PKN3: variants seen among roughly 807,000 people sequenced by gnomAD.
The protein encoded by PKN3 is serine/threonine-protein kinase N3.
A neutral mutation model predicts 113.1 loss-of-function variants in PKN3; 91 were observed. The ratio of observed to expected loss-of-function variants is 0.80; its 90% CI spans 0.68 to 0.96. PKN3 has a LOEUF of 0.96. Among genes scored for constraint, PKN3 ranks in the 40% least tolerant of loss-of-function variants. The probability of loss-of-function intolerance (pLI) is 0.00; values close to 1 mark genes in which losing one functional copy is unlikely to be tolerated. For synonymous variants in PKN3, 467 were observed against 499.0 expected (o/e 0.94, Z 0.85); for missense variants, 1,052 against 1,202.2 (o/e 0.88, Z 1.85).
At position 128,713,639 on chromosome 9, in the gene PKN3, C is replaced by T. The variant is rs1274832812; in HGVS notation, c.1233C>T (p.Ala411=). 2 of 1,613,506 alleles carry T rather than the reference C, an allele frequency of 1.2e-6. No individual in the cohort carries two copies. Among genetic ancestry groups the T allele is most frequent in the South Asian group, 2.2e-5 (2 of 91,088 alleles). The change falls in exon 9 of 22, where the codon GCC becomes GCT. Residue 411 remains alanine (A), a synonymous_variant. Transcript: ENST00000291906. ...TGGTACCGCAGGGACTGCTTTTTGC[C>T]CAGGTGCTCACCACCTCCGCCCTCT... ...LSLVPQGLLF[A]QVTFCDPVIE...
chr9:128,719,481 A>G (rs538700479), intron 18 of PKN3, among the ~76,000 whole-genome samples: 86 of 151,984 alleles, frequency 5.7e-4, no homozygotes, highest in Non-Finnish European at 1.1e-3. Flanking sequence ...GAGCCACCGC[A>G]CCCAGCCGAG....
chr9:128,707,151 T>G (rs1283510800), intron 5 of PKN3, 71 bp from the exon 6 acceptor site: 1 of 1,579,658 alleles, frequency 6.3e-7, no homozygotes, highest in East Asian at 2.3e-5. Context: ...GGAAGGTGGC[T>G]CCGGGTGACC....
chr9:128,705,782 G>A lies in PKN3; in HGVS notation c.314G>A (p.Arg105Gln), dbSNP rs147107905. 64 of 1,607,774 alleles carry A rather than the reference G, an allele frequency of 4.0e-5. No homozygotes were observed. Among genetic ancestry groups the A allele is most frequent in the African/African-American group, 8.0e-5 (6 of 74,788 alleles). ...PRPWAEQLRA[R>Q]HLEALRRQLH... ...CCGTGGGCAGAGCAGCTCAGGGCTC[G>A]GCACCTAGAGGCTCTCCGGAGGCAG... The change falls in exon 3 of 22, where the codon CGG (arginine) becomes CAG (glutamine). Residue 105 changes from arginine (R) to glutamine (Q), a missense_variant. Around this residue, in one of 2 missense-constraint regions of PKN3, gnomAD observed 719 missense variants for 759.4 expected, o/e 0.95. Transcript: ENST00000291906.
At chr9:128,714,959 C>A in intron 13 of PKN3, 94 bp downstream of exon 13, 3 of 1,269,250 alleles carry the variant, frequency 2.4e-6, no homozygotes, top group Non-Finnish European at 3.5e-6. Context: ...GGCTCCCTGG[C>A]GGGTGCGCTG....
chr9:128,713,332 G>T lies in PKN3; in HGVS notation c.1037G>T (p.Trp346Leu), dbSNP rs762570387. ...VDNRVVGQTG[W>L]GQVAEQSWDQ... Reference sequence around the variant, plus strand: ...AACCGTGTTGTGGGGCAGACGGGCTGGGGGCAGGTGGCCGAACAGTCCTGG... The same window carrying T: ...AACCGTGTTGTGGGGCAGACGGGCTTGGGGCAGGTGGCCGAACAGTCCTGG... The change falls in exon 8 of 22, where the codon TGG becomes TTG. Residue 346 changes from tryptophan to leucine, a missense_variant. Transcript: ENST00000291906. 17 of 1,613,986 alleles carry T rather than the reference G, an allele frequency of 1.1e-5. No homozygotes were observed. The Admixed American group carries it at 2.5e-4, about 24-fold the overall frequency.
At chr9:128,714,425 TC>T in intron 11 of PKN3, 60 bp downstream of exon 11, 1 of 1,413,760 alleles carries the variant, frequency 7.1e-7, no homozygotes, top group Non-Finnish European at 1.0e-6. Context: ...TGACTCCAGA[TC>T]CAGGCGGTAT....
At chr9:128,710,692 A>T (rs562242507) in intron 6 of PKN3, among the ~76,000 whole-genome samples, 1 of 151,982 alleles carries the variant, frequency 6.6e-6, no homozygotes. Context: ...GAGTTTTGCC[A>T]TGTTGGCCAG....
chr9:128,714,741 C>A, intron 12 of PKN3, 57 bp from the exon 13 acceptor site: 1 of 1,556,216 alleles, frequency 6.4e-7, no homozygotes, highest in Non-Finnish European at 8.9e-7. Flanking sequence ...GGTGGCAGGC[C>A]TGAAGGGAAA....
intron 16 of PKN3, among the ~76,000 whole-genome samples, 191 bp from the exon 17 acceptor site, chr9:128,718,134 C>T (rs1419819154): frequency 2.0e-5 from 3 of 152,090 alleles, no homozygotes; most frequent in South Asian, 2.1e-4. Flanking sequence ...TGGAAATGCA[C>T]GCAACCTTGG....
chr9:128,716,053 T>A (rs1357306573), intron 15 of PKN3, among the ~76,000 whole-genome samples: 2 of 146,666 alleles, frequency 1.4e-5, no homozygotes, highest in African/African-American at 5.1e-5. Context: ...ATGCCTGTAA[T>A]CCCAGCACTT....
chr9:128,714,961 G>A lies in PKN3; in HGVS notation c.1652+96G>A. 1.0e-5 allele frequency: 13 copies of A among 1,270,450 alleles called. No individual in the cohort carries two copies. The South Asian group carries it at 1.2e-4, about 12-fold the overall frequency. The allele number at this position is 1,270,450 out of a possible 1,614,324, so 78.7% of individuals were successfully genotyped here. ...TACATTACTCCCTGGCTCCCTGGCG[G>A]GTGCGCTGACTGGCTCTCGGGGTCT... On this transcript the variant is annotated intron_variant, in intron 13 of 21. Transcript: ENST00000291906.
intron 3 of PKN3, among the ~76,000 whole-genome samples, chr9:128,706,104 A>C (rs1862008048): frequency 6.6e-6 from 1 of 152,222 alleles, no homozygotes; most frequent in Non-Finnish European, 1.5e-5. Context: ...CCCCAGTCCC[A>C]ACTCCCAGCA....
rs1433293807 is a variant in PKN3, at chr9:128,714,869, C to A, written c.1652+4C>A. 1.2e-6 allele frequency: 2 copies of A among 1,612,858 alleles called. No individual in the cohort carries two copies. The highest frequency in any genetic ancestry group is 2.2e-5 in the East Asian group (1 of 44,894). ...CTCCACCAGCCTCCCCCACCAGGTA[C>A]CCCATCCTGCGCACCTTCATGTTTG... On this transcript the variant is annotated splice_donor_region_variant and intron_variant, in intron 13 of 21. Coordinates refer to ENST00000291906, the MANE Select transcript of PKN3 (RefSeq NM_013355.5).
chr9:128,703,568 C>T, intron 1 of PKN3: 4 of 985,414 alleles, frequency 4.1e-6, no homozygotes, highest in Non-Finnish European at 4.8e-6. Context: ...TGTCTATCTG[C>T]TCCTGAGGAG....
chr9:128,715,336 C>T lies in PKN3; in HGVS notation c.1717-33C>T. 6.2e-7 allele frequency: 1 copy of T among 1,607,234 alleles called. No individual in the cohort carries two copies. Among genetic ancestry groups the T allele is most frequent in the Non-Finnish European group, 8.5e-7 (1 of 1,173,940 alleles). ...GGGCGGTAAAGGCTCCCTGGTCTGG[C>T]CCACCTGGAGCACAACCTCTCTCTG... On this transcript the variant is annotated intron_variant, in intron 14 of 21. Coordinates refer to ENST00000291906, the MANE Select transcript of PKN3 (RefSeq NM_013355.5). This position sits in a 1 kb window ranked among gnomAD's most constrained non-coding sequence, Gnocchi z 4.1.
rs1259194573 is a variant in PKN3 at position 128,702,568 on chromosome 9, G to C, written c.-348G>C. Reference sequence around the variant, plus strand: ...GGGGAAGGCCAGAGGACCTGGGCGCGGGCGATGTGCCTCCTGAGCGTCCAA... The same window carrying C: ...GGGGAAGGCCAGAGGACCTGGGCGCCGGCGATGTGCCTCCTGAGCGTCCAA... On this transcript the variant is annotated 5_prime_UTR_variant, in exon 1 of 22. Transcript: ENST00000291906. 4.0e-5 allele frequency: 11 copies of C among 273,954 alleles called. No individual in the cohort carries two copies. Among genetic ancestry groups the C allele is most frequent in the Admixed American group, 5.6e-5 (1 of 18,018 alleles). The allele number at this position is 273,954 out of a possible 1,614,324, so 17.0% of individuals were successfully genotyped here.
At chr9:128,719,272 C>G (rs951386934) in intron 18 of PKN3, among the ~76,000 whole-genome samples, 6 of 151,898 alleles carry the variant, frequency 4.0e-5, no homozygotes, top group Non-Finnish European at 5.9e-5. Context: ...TCACTGCAAC[C>G]TCTGCCTCCA....
chr9:128,711,728 A>C (rs943491848), intron 6 of PKN3, among the ~76,000 whole-genome samples: 1 of 150,248 alleles, frequency 6.7e-6, no homozygotes, highest in Non-Finnish European at 1.5e-5. Context: ...CCTCCCAAGT[A>C]GTTGGGATTA....
chr9:128,717,168 G>A lies in PKN3; in HGVS notation c.1985+245G>A, dbSNP rs1410425938. 4.9e-5 allele frequency among the ~76,000 whole-genome samples: 4 copies of A among 81,370 alleles called. No individual in the cohort carries two copies. The Admixed American group carries it at 5.5e-4, about 11-fold the overall frequency. 53.4% of individuals were successfully genotyped at this position (81,370 alleles called of 152,430 possible). A position where few individuals can be genotyped will look rare whatever the true frequency, so the allele number is the denominator to read the frequency against. ...TGTGAGACAGAGTCTGGCTCTTATT[G>A]CCCAGGCTGGAGTGCAATGGCATGA... On this transcript the variant is annotated intron_variant, in intron 16 of 21. Coordinates refer to ENST00000291906, the MANE Select transcript of PKN3 (RefSeq NM_013355.5).
Sources: gnomAD v4.1 joint callset for allele counts (sites outside exome capture counted in the v4.1 genomes callset) on GRCh38, gnomAD v4.1.1 for gene constraint, gnomAD v4.1.1 regional missense constraint, Gnocchi (gnomAD v3.1) non-coding constraint, MANE v1.5 for transcripts, NCBI Gene and HGNC (gene_info 2026-07-23, HGNC 2026-07-21) for gene names.